Variants in STIL observed in about 807,000 individuals in gnomAD.
STIL encodes STIL centriolar assembly protein, also known as SCL-interrupting locus protein.
A neutral mutation model predicts 110.1 loss-of-function variants in STIL; 55 were observed. That is an observed-to-expected ratio of 0.50 (90% CI 0.40 to 0.63). The LOEUF (loss-of-function observed/expected upper bound fraction) is 0.63, where lower values mean the gene tolerates loss of function less well. Among genes scored for constraint, STIL ranks in the 20% least tolerant of loss-of-function variants. The probability of loss-of-function intolerance (pLI) is 0.00; values close to 1 mark genes in which losing one functional copy is unlikely to be tolerated. For synonymous variants in STIL, 481 were observed against 530.0 expected (o/e 0.91, Z 1.27); for missense variants, 1,358 against 1,530.0 (o/e 0.89, Z 1.87).
rs528016871 is a variant in STIL at position 47,309,898 on chromosome 1, G to A, written c.44+378C>T. Among the ~76,000 whole-genome samples, 15 of 152,202 alleles carry A rather than the reference G, an allele frequency of 9.9e-5. No individual in the cohort carries two copies. In the South Asian group the frequency reaches 2.7e-3, roughly 27 times the overall value. On this transcript the variant is annotated intron_variant, in intron 2 of 16. Coordinates refer to ENST00000371877, the MANE Select transcript of STIL (RefSeq NM_001048166.1). The stretch of plus-strand genomic sequence containing the variant: ...CTTGTCTAGAAAGTAAACAAACACC[G>A]ATATAATTTTTAGCCTCCTAAGTTC...
At chr1:47,263,463 AG>A in intron 14 of STIL, among the ~76,000 whole-genome samples, 1 of 152,216 alleles carries the variant, frequency 6.6e-6, no homozygotes, top group Non-Finnish European at 1.5e-5. Flanking sequence ...AGGATCACTT[AG>A]CCCAGGAATT....
At chr1:47,287,798 T>G (rs1645349032) in intron 9 of STIL, 138 bp from the exon 10 acceptor site, 2 of 679,456 alleles carry the variant, frequency 2.9e-6, no homozygotes, top group Non-Finnish European at 5.2e-6. Flanking sequence ...TTTTGTAAAC[T>G]GTCCAGTTCC....
At chr1:47,296,606 CCA>C (rs1383418245) in intron 6 of STIL, among the ~76,000 whole-genome samples, 1 of 151,930 alleles carries the variant, frequency 6.6e-6, no homozygotes, top group African/African-American at 2.4e-5. Flanking sequence ...GAGTTCGAGA[CCA>C]GCATGGCCAA....
Position 47,300,029 on chromosome 1 carries a change from C to T in STIL, c.577G>A (p.Val193Ile), listed in dbSNP as rs1557766780. 3 of 1,614,014 alleles carry T rather than the reference C, an allele frequency of 1.9e-6. No homozygotes were observed. Among genetic ancestry groups the T allele is most frequent in the Non-Finnish European group, 2.5e-6 (3 of 1,180,032 alleles). The part of the protein sequence containing the change: ...SVEFDLHWAA[V>I]TLANNFKCTP... ...CATTTAAAGTTATTTGCTAGAGTTA[C>T]TGCTGCCCAATGCAAGTCAAATTCC... The change falls in exon 6 of 17, where the codon GTA becomes ATA. Residue 193 changes from valine to isoleucine, a missense_variant. Transcript: ENST00000371877.
chr1:47,279,675 GC>G (rs1401115172), intron 12 of STIL, among the ~76,000 whole-genome samples: 3 of 139,330 alleles, frequency 2.2e-5, no homozygotes, highest in Admixed American at 1.5e-4. Flanking sequence ...GTTGCAGTGA[GC>G]CAAGATCATG....
At chr1:47,259,783 A>G (rs1644432605) in intron 16 of STIL, among the ~76,000 whole-genome samples, 1 of 152,224 alleles carries the variant, frequency 6.6e-6, no homozygotes, top group East Asian at 1.9e-4. Context: ...TTTCTTTTTA[A>G]TAAGTTATGT....
In STIL at chr1:47,252,109, A is replaced by G. The variant is rs985172364; in HGVS notation, c.3081-187T>C. Among the ~76,000 whole-genome samples, 34 of 152,236 alleles carry G rather than the reference A, an allele frequency of 2.2e-4. 1 individual carries two copies. Among genetic ancestry groups the G allele is most frequent in the South Asian group, 2.1e-4 (1 of 4,836 alleles). On this transcript the variant is annotated intron_variant, in intron 16 of 16. Transcript: ENST00000371877. ...CAAAGGATACATATGGGCTGGGTAT[A>G]GTGGCCCAAGCCTCCAATCCCAGCA...
chr1:47,272,088 C>T lies in STIL; in HGVS notation c.2371G>A (p.Ala791Thr). Reference protein sequence around the residue: ...GLHMRKGVSIAVSTGASLFWN... With the variant: ...GLHMRKGVSITVSTGASLFWN... ...AAACTGAAATTACCTGTGCTCACAG[C>T]AATGCTTACACCTTTTCTCATGTGC... The change falls in exon 13 of 17, where the codon GCT (alanine) becomes ACT (threonine). Residue 791 changes from alanine to threonine, a missense_variant. Ala to Thr is a moderately conservative substitution (Grantham distance 58). Coordinates refer to ENST00000371877, the MANE Select transcript of STIL (RefSeq NM_001048166.1). 6.2e-7 allele frequency: 1 copy of T among 1,614,146 alleles called. No homozygotes were observed. Among genetic ancestry groups the T allele is most frequent in the Non-Finnish European group, 8.5e-7 (1 of 1,180,004 alleles).
intron 16 of STIL, among the ~76,000 whole-genome samples, chr1:47,254,632 G>C (rs867705073): frequency 5.9e-5 from 9 of 152,022 alleles, no homozygotes; most frequent in Admixed American, 2.0e-4. Context: ...CCAGACTCAA[G>C]TGACCCTCCT....
In STIL at chr1:47,260,576, T is replaced by C. The variant is rs551855961; in HGVS notation, c.2830-37A>G. ...AAAAAAAATTTTTTTGAAAAATCAC[T>C]ATTAACAATGTTAGGGCTGGGTGTG... On this transcript the variant is annotated intron_variant, in intron 15 of 16. Coordinates refer to ENST00000371877, the MANE Select transcript of STIL (RefSeq NM_001048166.1). The C allele has an allele frequency of 1.9e-6, 3 of 1,603,412 alleles. No individual in the cohort carries two copies. The African/African-American group carries it at 4.0e-5, about 21-fold the overall frequency.
At position 47,269,608 on chromosome 1, in the gene STIL, T is replaced by C. The variant is rs2742104; in HGVS notation, c.2615+27A>G. 801,756 of 1,605,046 alleles carry C rather than the reference T, an allele frequency of 0.5. 206,791 individuals are homozygous for C. Among genetic ancestry groups the C allele is most frequent in the South Asian group, 0.54 (48,434 of 90,124 alleles). On this transcript the variant is annotated intron_variant, in intron 14 of 16. Coordinates refer to ENST00000371877, the MANE Select transcript of STIL (RefSeq NM_001048166.1). Reference sequence around the variant, plus strand: ...AAAAAAATTTTTTTTGAAAGTAGGATGAAAGACTAAATCAAAGAGACCTTA... The same window carrying C: ...AAAAAAATTTTTTTTGAAAGTAGGACGAAAGACTAAATCAAAGAGACCTTA...
At chr1:47,267,651 C>A (rs1019571236) in intron 14 of STIL, among the ~76,000 whole-genome samples, 2 of 128,322 alleles carry the variant, frequency 1.6e-5, no homozygotes, top group Non-Finnish European at 3.1e-5. Context: ...CCAGCCAGGG[C>A]GACAGAGCGA....
In STIL at chr1:47,305,725, C is replaced by CTTTTT. The variant is rs71572652; in HGVS notation, c.45-734_45-730dup. Among the ~76,000 whole-genome samples the CTTTTT allele has an allele frequency of 5.5e-4, 24 of 43,430 alleles. 1 individual carries two copies. Among genetic ancestry groups the CTTTTT allele is most frequent in the Non-Finnish European group, 6.4e-4 (17 of 26,734 alleles). The allele number at this position is 43,430 out of a possible 152,430, so 28.5% of individuals were successfully genotyped here. A position where few individuals can be genotyped will look rare whatever the true frequency, so the allele number is the denominator to read the frequency against. On this transcript the variant is annotated intron_variant, in intron 2 of 16. Transcript: ENST00000371877. ...ACAGGCGTGAGCCACCACGCCTGGCCTTTTTTTTTTTTTTTTTTTTTTTTT... is the reference window on the plus strand; with the variant it reads ...ACAGGCGTGAGCCACCACGCCTGGCCTTTTTTTTTTTTTTTTTTTTTTTTTTTTTT...
At position 47,265,237 on chromosome 1, in the gene STIL, C is replaced by CAAAAAAAAAAAAA. The variant is rs61666574; in HGVS notation, c.2616-2134_2616-2122dup. Among the ~76,000 whole-genome samples, 94 of 51,620 alleles carry CAAAAAAAAAAAAA rather than the reference C, an allele frequency of 1.8e-3. 5 individuals are homozygous for CAAAAAAAAAAAAA. Among genetic ancestry groups the CAAAAAAAAAAAAA allele is most frequent in the East Asian group, 0.014 (29 of 2,132 alleles). 33.9% of individuals were successfully genotyped at this position (51,620 alleles called of 152,430 possible). On this transcript the variant is annotated intron_variant, in intron 14 of 16. Transcript: ENST00000371877. ...AGCAACAGAGCAACACTCCATCTCC[C>CAAAAAAAAAAAAA]AAAAAAAAAAAAAAAAAAAAAAACA...
rs1202023692 is a variant in STIL, at chr1:47,301,690, T to G, written c.324A>C (p.Glu108Asp). 1 of 1,614,080 alleles carries G rather than the reference T, an allele frequency of 6.2e-7. No individual in the cohort carries two copies. The highest frequency in any genetic ancestry group is 8.5e-7 in the Non-Finnish European group (1 of 1,180,020). Reference sequence around the variant, plus strand: ...AAGCAGTAGGGGTTATTTCTAGGCATTCAGGTACTTCTCGACCAGGATCAA... The same window carrying G: ...AAGCAGTAGGGGTTATTTCTAGGCAGTCAGGTACTTCTCGACCAGGATCAA... The part of the protein sequence containing the change: ...DRFDPGREVP[E>D]CLEITPTASL... The change falls in exon 5 of 17, where the codon GAA becomes GAC. Residue 108 changes from glutamate (E) to aspartate (D), a missense_variant. Transcript: ENST00000371877.
At chr1:47,300,656 A>G (rs1645779043) in intron 5 of STIL, among the ~76,000 whole-genome samples, 1 of 152,092 alleles carries the variant, frequency 6.6e-6, no homozygotes, top group Admixed American at 6.5e-5. Context: ...TTTAGTAGAG[A>G]CAAGGTTTCA....
intron 9 of STIL, 111 bp from the exon 10 acceptor site, chr1:47,287,771 T>C (rs1645348160): frequency 2.4e-6 from 2 of 827,420 alleles, no homozygotes; most frequent in African/African-American, 3.4e-5. Flanking sequence ...GGCAGACTTC[T>C]GATTTCTGTA....
chr1:47,250,537 T>C lies in STIL; in HGVS notation c.*599A>G, dbSNP rs886046389. On this transcript the variant is annotated 3_prime_UTR_variant, in exon 17 of 17. Transcript: ENST00000371877. ...CTGGAACTTCTTAAAATATACAGTATAGCTGGGCGCAGTGGCTCACGCCTG... is the reference window on the plus strand; with the variant it reads ...CTGGAACTTCTTAAAATATACAGTACAGCTGGGCGCAGTGGCTCACGCCTG... 1.1e-4 allele frequency: 17 copies of C among 160,590 alleles called. No individual in the cohort carries two copies. Among genetic ancestry groups the C allele is most frequent in the Admixed American group, 6.4e-5 (1 of 15,516 alleles). 9.9% of individuals were successfully genotyped at this position (160,590 alleles called of 1,614,324 possible). A position where few individuals can be genotyped will look rare whatever the true frequency, so the allele number is the denominator to read the frequency against.
At position 47,282,380 on chromosome 1, in the gene STIL, T is replaced by G; in HGVS notation, c.1213A>C (p.Arg405=). The stretch of plus-strand genomic sequence containing the variant: ...ACTGGATGAGGACTAGGAATTGGTC[T>G]TGGAGAAAAATCTTCATCTTCAACA... ...SGVEDEDFSP[R]PIPSPHPVSQ... The change falls in exon 11 of 17, where the codon AGA becomes CGA. Residue 405 remains arginine (R), a synonymous_variant. Transcript: ENST00000371877. The G allele has an allele frequency of 6.2e-7, 1 of 1,613,112 alleles. No homozygotes were observed. The highest frequency in any genetic ancestry group is 8.5e-7 in the Non-Finnish European group (1 of 1,179,664).
Sources: gnomAD v4.1 joint callset for allele counts (sites outside exome capture counted in the v4.1 genomes callset) on GRCh38, gnomAD v4.1.1 for gene constraint, MANE v1.5 for transcripts, NCBI Gene and HGNC (gene_info 2026-07-23, HGNC 2026-07-21) for gene names.